The following LPP variants were observed in gnomAD, a reference collection of about 807,000 sequenced individuals.
The protein encoded by LPP is lipoma-preferred partner.
LPP carries 38 observed loss-of-function variants against 60.4 expected under a neutral mutation model. That is an observed-to-expected ratio of 0.63 (90% confidence interval 0.49 to 0.83). The LOEUF is 0.83. Among genes scored for constraint, LPP ranks in the 40% least tolerant of loss-of-function variants. LPP has a pLI of 0.00. For synonymous variants in LPP, 328 were observed against 290.8 expected (o/e 1.13, Z -1.30); for missense variants, 902 against 783.6 (o/e 1.15, Z -1.80).
intron 3 of LPP, among the ~76,000 whole-genome samples, chr3:188,392,194 A>G (rs1483615066): frequency 6.6e-6 from 1 of 152,218 alleles, no homozygotes; most frequent in Non-Finnish European, 1.5e-5. Context: ...TTAATTATAT[A>G]ACAGAATGGA....
At chr3:188,432,330 A>G (rs1482926041) in intron 4 of LPP, among the ~76,000 whole-genome samples, 1 of 152,186 alleles carries the variant, frequency 6.6e-6, no homozygotes, top group Non-Finnish European at 1.5e-5. Context: ...ACCGATATCT[A>G]CTATATCTGT....
intron 7 of LPP, among the ~76,000 whole-genome samples, chr3:188,688,462 A>G (rs1169180936): frequency 6.6e-6 from 1 of 152,156 alleles, no homozygotes; most frequent in Admixed American, 6.5e-5. Flanking sequence ...TTGCCCATTC[A>G]ATGAACATTT....
At chr3:188,810,033 G>T (rs973978777) in intron 9 of LPP, among the ~76,000 whole-genome samples, 3 of 152,060 alleles carry the variant, frequency 2.0e-5, no homozygotes, top group Non-Finnish European at 4.4e-5. Context: ...CTGTTCCATT[G>T]GTCTATCAGT....
chr3:188,675,181 G>T (rs565471373), intron 7 of LPP, among the ~76,000 whole-genome samples: 2 of 152,314 alleles, frequency 1.3e-5, no homozygotes, highest in East Asian at 3.9e-4. Context: ...CATAACAGCT[G>T]TTCAGACTTG....
chr3:188,797,966 T>C (rs1745881357), intron 9 of LPP, among the ~76,000 whole-genome samples: 1 of 152,194 alleles, frequency 6.6e-6, no homozygotes, highest in African/African-American at 2.4e-5. Flanking sequence ...TTTACAACTC[T>C]GAACCTTCTG....
chr3:188,220,968 A>G (rs889501660), intron 1 of LPP, among the ~76,000 whole-genome samples: 1 of 152,178 alleles, frequency 6.6e-6, no homozygotes, highest in Non-Finnish European at 1.5e-5. Flanking sequence ...CATTTCTTAA[A>G]GGGATAGGGC....
intron 2 of LPP, among the ~76,000 whole-genome samples, chr3:188,320,832 G>A (rs568131037): frequency 1.4e-4 from 22 of 152,178 alleles, no homozygotes; most frequent in Non-Finnish European, 2.8e-4. Context: ...GGAAGAGGAA[G>A]TATTGGTGAC....
At chr3:188,694,697 C>G (rs998748185) in intron 7 of LPP, among the ~76,000 whole-genome samples, 1 of 112,594 alleles carries the variant, frequency 8.9e-6, no homozygotes, top group Non-Finnish European at 2.0e-5. Flanking sequence ...AACTCCATCT[C>G]AAAAAAAAAA....
chr3:188,780,856 C>T (rs1739411313), intron 9 of LPP, among the ~76,000 whole-genome samples: 1 of 152,170 alleles, frequency 6.6e-6, no homozygotes, highest in Non-Finnish European at 1.5e-5. Flanking sequence ...ACAGTTCTTT[C>T]CAGTAATCCC....
chr3:188,368,682 TCACACACACA>T (rs1289084950), intron 3 of LPP, among the ~76,000 whole-genome samples: 5,773 of 129,230 alleles, frequency 0.045, 378 homozygotes, highest in African/African-American at 0.14. Context: ...ACACACACTC[TCACACACACA>T]CACACACACA....
At chr3:188,719,536 A>G (rs1715481324) in intron 8 of LPP, among the ~76,000 whole-genome samples, 1 of 152,198 alleles carries the variant, frequency 6.6e-6, no homozygotes, top group African/African-American at 2.4e-5. Context: ...TCATAATTGA[A>G]TGTTCTTTGC....
chr3:188,202,680 G>T (rs936450653), intron 1 of LPP, among the ~76,000 whole-genome samples: 7 of 152,180 alleles, frequency 4.6e-5, no homozygotes, highest in African/African-American at 1.7e-4. Flanking sequence ...GGGTTGTGGT[G>T]GCTTTCTGAT....
chr3:188,664,850 A>G (rs1434893823), intron 7 of LPP, among the ~76,000 whole-genome samples: 1 of 152,186 alleles, frequency 6.6e-6, no homozygotes, highest in Non-Finnish European at 1.5e-5. Flanking sequence ...CTTAGAGTGT[A>G]GCCAGTTGTT....
chr3:188,462,587 C>CATATAT (rs1799339704), intron 4 of LPP, among the ~76,000 whole-genome samples: 36 of 43,142 alleles, frequency 8.3e-4, no homozygotes, highest in Non-Finnish European at 1.2e-3. Context: ...TATATATATG[C>CATATAT]ATGTGTGTGT....
At chr3:188,781,596 C>A (rs560971730) in intron 9 of LPP, among the ~76,000 whole-genome samples, 1 of 151,774 alleles carries the variant, frequency 6.6e-6, no homozygotes, top group Non-Finnish European at 1.5e-5. Flanking sequence ...AAAACTATCA[C>A]CCCCTGCCTC....
intron 6 of LPP, among the ~76,000 whole-genome samples, chr3:188,600,005 A>G (rs953598869): frequency 6.6e-6 from 1 of 151,970 alleles, no homozygotes. Flanking sequence ...AAACAAAAAC[A>G]TAAAATGGAG....
At chr3:188,238,107 G>A (rs1160175112) in intron 2 of LPP, among the ~76,000 whole-genome samples, 2 of 152,090 alleles carry the variant, frequency 1.3e-5, no homozygotes, top group Non-Finnish European at 2.9e-5. Flanking sequence ...TTATGTTATG[G>A]AGACCTAGTT....
chr3:188,404,166 T>G (rs1177077202), intron 3 of LPP, among the ~76,000 whole-genome samples: 1 of 152,216 alleles, frequency 6.6e-6, no homozygotes, highest in Non-Finnish European at 1.5e-5. Flanking sequence ...TGCATAGCAC[T>G]CTATACTATA....
At position 188,621,697 on chromosome 3, in the gene LPP, G is replaced by T. The variant is rs147782432; in HGVS notation, c.1113+11853G>T. On this transcript the variant is annotated intron_variant, in intron 7 of 11. Coordinates refer to ENST00000617246, the MANE Select transcript of LPP (RefSeq NM_001375462.1). The stretch of plus-strand genomic sequence containing the variant: ...TTATTTTGAGATGGGGTCTCATTCT[G>T]TCGCCCAGGCTGGATTGCAGTGGTG... Among the ~76,000 whole-genome samples the T allele has an allele frequency of 4.1e-3, 624 of 152,148 alleles. 4 individuals are homozygous for T. Among genetic ancestry groups the T allele is most frequent in the African/African-American group, 0.014 (600 of 41,480 alleles).
Sources: gnomAD v4.1 joint callset for allele counts (sites outside exome capture counted in the v4.1 genomes callset) on GRCh38, gnomAD v4.1.1 for gene constraint, MANE v1.5 for transcripts, NCBI Gene and HGNC (gene_info 2026-07-23, HGNC 2026-07-21) for gene names.